The following CDH2 variants were observed in gnomAD, a reference collection of about 807,000 sequenced individuals.
The protein encoded by CDH2 is cadherin 2, also known as cadherin-2.
A neutral mutation model predicts 92.0 loss-of-function variants in CDH2; 17 were observed. That is an observed-to-expected ratio of 0.18 (90% CI 0.13 to 0.28). The LOEUF is 0.28. Ranked by LOEUF, CDH2 falls within the 10% of genes least tolerant of loss-of-function variation. The pLI is 1.00. For missense variants in CDH2, 862 were observed against 1,133.1 expected, an observed-to-expected ratio of 0.76 and a Z score of 3.44; for synonymous variants, 419 against 415.9, an observed-to-expected ratio of 1.01 and a Z score of -0.09.
At chr18:27,983,453 C>G (rs1242952571) in intron 13 of CDH2, among the ~76,000 whole-genome samples, 2 of 152,170 alleles carry the variant, frequency 1.3e-5, no homozygotes, top group Non-Finnish European at 2.9e-5. Context: ...AGACACAAAA[C>G]AGCAGTAAGG....
At chr18:28,096,183 T>C (rs1201009613) in intron 2 of CDH2, among the ~76,000 whole-genome samples, 2 of 152,114 alleles carry the variant, frequency 1.3e-5, no homozygotes, top group African/African-American at 4.8e-5. Flanking sequence ...CATAAAAACA[T>C]ATATAACTTG....
chr18:28,173,386 ACT>A (rs1315300783), intron 1 of CDH2, among the ~76,000 whole-genome samples: 1 of 152,136 alleles, frequency 6.6e-6, no homozygotes, highest in Non-Finnish European at 1.5e-5. Flanking sequence ...CACCAAGTTA[ACT>A]CTTCTTATTT....
chr18:27,993,134 C>T (rs2012476186), intron 8 of CDH2, among the ~76,000 whole-genome samples: 1 of 152,130 alleles, frequency 6.6e-6, no homozygotes, highest in Non-Finnish European at 1.5e-5. Flanking sequence ...AAGAACTTGT[C>T]TGTGCAAAAT....
intron 14 of CDH2, among the ~76,000 whole-genome samples, chr18:27,964,880 G>A (rs2011498064): frequency 6.6e-6 from 1 of 152,156 alleles, no homozygotes; most frequent in Non-Finnish European, 1.5e-5. Context: ...TGAGTTACAA[G>A]GTTGGATTTA....
In CDH2 at chr18:28,176,995, T is replaced by G. The variant is rs879030779; in HGVS notation, c.28A>C (p.Thr10Pro). 14 of 1,476,696 alleles carry G rather than the reference T, an allele frequency of 9.5e-6. No individual in the cohort carries two copies. In the African/African-American group the frequency reaches 1.9e-4, roughly 20 times the overall value. 91.5% of individuals were successfully genotyped at this position (1,476,696 alleles called of 1,614,324 possible). A position where few individuals can be genotyped will look rare whatever the true frequency, so the allele number is the denominator to read the frequency against. MCRIAGALR[T>P]LLPLLAALLQ... ...AGGGCCGCCAGCAGCGGCAGCAGGGTCCGCAGCGCTCCCGCTATCCGGCAC... is the reference window on the plus strand; with the variant it reads ...AGGGCCGCCAGCAGCGGCAGCAGGGGCCGCAGCGCTCCCGCTATCCGGCAC... Residue 10 changes from threonine to proline, a missense_variant, in exon 1 of 16, where the codon ACC becomes CCC. By Grantham distance (38) the Thr-to-Pro change is conservative (BLOSUM62 -1). This residue lies in a region of CDH2 where 159 missense variants were observed against 177.2 expected (regional missense o/e 0.90). Transcript: ENST00000269141.
chr18:28,123,195 C>G (rs1465849643), intron 2 of CDH2, among the ~76,000 whole-genome samples: 1 of 152,038 alleles, frequency 6.6e-6, no homozygotes, highest in Non-Finnish European at 1.5e-5. Context: ...AAAGCAAATC[C>G]TGAACTAAGC....
In CDH2 at chr18:27,982,906, CAT is replaced by C. The variant is rs1351818946; in HGVS notation, c.2349+36_2349+37del. On this transcript the variant is annotated intron_variant, in intron 14 of 15. Coordinates refer to ENST00000269141, the MANE Select transcript of CDH2 (RefSeq NM_001792.5). ...CTTCCCACTATTAAATTTATACGAT[CAT>C]AAAATTTATTTTTAAAGATTTAAAG... The C allele has an allele frequency of 1.5e-5, 21 of 1,421,226 alleles. No homozygotes were observed. In the East Asian group the frequency reaches 4.9e-4, roughly 33 times the overall value. The allele number at this position is 1,421,226 out of a possible 1,614,324, so 88.0% of individuals were successfully genotyped here.
intron 2 of CDH2, among the ~76,000 whole-genome samples, chr18:28,020,980 T>C (rs1278731055): frequency 1.3e-5 from 2 of 151,932 alleles, no homozygotes; most frequent in Non-Finnish European, 2.9e-5. Flanking sequence ...GTTGAAAAAG[T>C]ATAACATTTC....
intron 2 of CDH2, among the ~76,000 whole-genome samples, chr18:28,054,400 T>C (rs2014252114): frequency 6.6e-6 from 1 of 152,208 alleles, no homozygotes; most frequent in African/African-American, 2.4e-5. Flanking sequence ...ATGACATGCA[T>C]TTTTGTTTGG....
At chr18:28,172,076 GGTGTGTGT>G (rs34158369) in intron 1 of CDH2, among the ~76,000 whole-genome samples, 6 of 146,486 alleles carry the variant, frequency 4.1e-5, no homozygotes, top group East Asian at 4.0e-4. Flanking sequence ...ATACATTTGG[GGTGTGTGT>G]GTGTGTGTGT....
intron 1 of CDH2, among the ~76,000 whole-genome samples, chr18:28,152,410 G>GA (rs2016138123): frequency 6.6e-6 from 1 of 152,176 alleles, no homozygotes; most frequent in Non-Finnish European, 1.5e-5. Flanking sequence ...TTTAATGTGG[G>GA]AGGTTAAGAT....
intron 7 of CDH2, among the ~76,000 whole-genome samples, chr18:27,997,015 T>C (rs2012605437): frequency 6.6e-6 from 1 of 152,220 alleles, no homozygotes; most frequent in African/African-American, 2.4e-5. Context: ...ATTTCCCTTT[T>C]TAAAGCTTAA....
At chr18:28,119,990 CA>C (rs1272323942) in intron 2 of CDH2, among the ~76,000 whole-genome samples, 2 of 152,050 alleles carry the variant, frequency 1.3e-5, no homozygotes, top group Non-Finnish European at 2.9e-5. Flanking sequence ...CTTCATGGAA[CA>C]AAGTCATCGT....
chr18:28,012,445 G>A (rs970246845), intron 3 of CDH2, among the ~76,000 whole-genome samples: 7 of 152,112 alleles, frequency 4.6e-5, no homozygotes, highest in African/African-American at 1.2e-4. Flanking sequence ...AAATATTTAT[G>A]ACCCTATTAT....
At chr18:28,040,050 C>T (rs576982873) in intron 2 of CDH2, among the ~76,000 whole-genome samples, 63 of 152,162 alleles carry the variant, frequency 4.1e-4, no homozygotes, top group African/African-American at 1.4e-3. Flanking sequence ...GTATTATGAT[C>T]GTATCTTAAA....
chr18:28,051,701 C>T (rs1230744290), intron 2 of CDH2, among the ~76,000 whole-genome samples: 1 of 152,038 alleles, frequency 6.6e-6, no homozygotes, highest in Non-Finnish European at 1.5e-5. Context: ...AGTTTTCCAA[C>T]CTACATCCTA....
At chr18:28,097,335 C>G (rs916040642) in intron 2 of CDH2, 1 of 150,462 alleles carries the variant, frequency 6.6e-6, no homozygotes, top group African/African-American at 2.5e-5. Flanking sequence ...TTACAATATT[C>G]CAAAGGAAAT....
chr18:28,005,786 T>A, intron 6 of CDH2, 63 bp downstream of exon 6: 1 of 1,185,968 alleles, frequency 8.4e-7, no homozygotes, highest in Non-Finnish European at 1.2e-6. Context: ...CTTGCTCATA[T>A]AACAGGGCTG....
intron 14 of CDH2, among the ~76,000 whole-genome samples, chr18:27,978,441 G>A (rs893104426): frequency 1.3e-5 from 2 of 152,234 alleles, no homozygotes; most frequent in African/African-American, 2.4e-5. Context: ...ATGTAGCACC[G>A]CAATGCAGTG....
Sources: allele counts gnomAD v4.1 joint callset (sites outside exome capture counted in the v4.1 genomes callset), GRCh38; gene constraint gnomAD v4.1.1; regional missense constraint gnomAD v4.1.1; transcripts MANE v1.5; gene names NCBI Gene and HGNC (gene_info 2026-07-23, HGNC 2026-07-21).